The following CACNA1B variants were observed in gnomAD, a reference collection of about 807,000 sequenced individuals.
CACNA1B encodes the protein calcium voltage-gated channel subunit alpha1 B.
In CACNA1B, 70 loss-of-function variants were observed where a neutral mutation model predicts 247.2. The observed-to-expected ratio is 0.28, with a 90% CI of 0.23 to 0.35. The LOEUF (loss-of-function observed/expected upper bound fraction) is 0.35, where lower values mean the gene tolerates loss of function less well. CACNA1B is among the 10% of genes least tolerant of loss of function. CACNA1B has a pLI of 1.00. For missense variants in CACNA1B, 2,367 were observed against 3,197.4 expected (o/e 0.74, Z 6.26); for synonymous variants, 1,231 against 1,294.4 (o/e 0.95, Z 1.05).
chr9:137,907,711 T>C (rs1588997411), intron 3 of CACNA1B, among the ~76,000 whole-genome samples: 1 of 152,248 alleles, frequency 6.6e-6, no homozygotes, highest in South Asian at 2.1e-4. Context: ...TTTTATGGTG[T>C]GGTGTTATTT....
At chr9:138,118,586 C>T (rs778402217) in intron 43 of CACNA1B, 66 bp from the exon 44 acceptor site, 27 of 772,786 alleles carry the variant, frequency 3.5e-5, no homozygotes, top group South Asian at 2.4e-4. Context: ...GGAGTGAGTC[C>T]GGGGTGGGAT....
intron 31 of CACNA1B, chr9:138,068,670 C>G: frequency 1.9e-6 from 1 of 517,690 alleles, no homozygotes; most frequent in East Asian, 5.5e-5. Flanking sequence ...GCTGTAAGGA[C>G]ACAGCTTGGT....
intron 21 of CACNA1B, among the ~76,000 whole-genome samples, chr9:138,045,813 A>G (rs1234978328): frequency 1.3e-5 from 2 of 152,094 alleles, no homozygotes; most frequent in East Asian, 3.9e-4. Context: ...CTGTGGACAC[A>G]GGGGCAGGAG....
intron 21 of CACNA1B, 114 bp downstream of exon 21, chr9:138,044,014 C>T: frequency 7.3e-7 from 1 of 1,368,878 alleles, no homozygotes; most frequent in South Asian, 1.3e-5. Context: ...AGAGAAACGG[C>T]TCTAAATCCC....
intron 36 of CACNA1B, among the ~76,000 whole-genome samples, chr9:138,088,589 C>A (rs1960777717): frequency 6.6e-6 from 1 of 151,776 alleles, no homozygotes; most frequent in Non-Finnish European, 1.5e-5. Context: ...TGGAACCCAC[C>A]AAGATTGAAC....
intron 39 of CACNA1B, among the ~76,000 whole-genome samples, chr9:138,107,175 T>G (rs190883105): frequency 5.0e-4 from 76 of 152,266 alleles, no homozygotes; most frequent in African/African-American, 1.8e-3. Flanking sequence ...CAGCCTTCCC[T>G]ATCTCAGTCA....
chr9:138,071,303 A>T (rs1428132434), intron 32 of CACNA1B, among the ~76,000 whole-genome samples: 2 of 152,226 alleles, frequency 1.3e-5, no homozygotes, highest in East Asian at 3.9e-4. Flanking sequence ...GAAGTAAGGA[A>T]GGGCCTGGCC....
rs1309871926 is a variant in CACNA1B, at chr9:137,882,228, G to A, written c.391-516G>A. Among the ~76,000 whole-genome samples, 2 of 152,210 alleles carry A rather than the reference G, an allele frequency of 1.3e-5. No homozygotes were observed. The highest frequency in any genetic ancestry group is 1.9e-4 in the East Asian group (1 of 5,198). ...AACCTTGTGCAGGTTCCCACCCAGA[G>A]GCTGCTGTGGCCTCTGCCTGGCTCC... is the stretch of plus-strand genomic sequence containing the variant. On this transcript the variant is annotated intron_variant, in intron 2 of 46. Transcript: ENST00000371372. This position sits in a 1 kb window ranked among gnomAD's most constrained non-coding sequence, Gnocchi z 4.0.
intron 40 of CACNA1B, among the ~76,000 whole-genome samples, chr9:138,113,262 C>T (rs1961722402): frequency 6.8e-6 from 1 of 147,234 alleles, no homozygotes; most frequent in Non-Finnish European, 1.5e-5. Flanking sequence ...AGGTGCCCAA[C>T]TCCATCTTAT....
chr9:137,910,767 G>T (rs576748127), intron 3 of CACNA1B, among the ~76,000 whole-genome samples: 9 of 152,264 alleles, frequency 5.9e-5, no homozygotes, highest in African/African-American at 2.2e-4. Context: ...AGTAATGCTC[G>T]TTCGCCTGCC....
Position 137,986,393 on chromosome 9 carries a change from C to A in CACNA1B, c.1770-20C>A. 6.2e-7 allele frequency: 1 copy of A among 1,612,672 alleles called. No individual in the cohort carries two copies. Among genetic ancestry groups the A allele is most frequent in the Non-Finnish European group, 8.5e-7 (1 of 1,179,376 alleles). ...AGTCAGCGTCTGGAGCTGGCTCAGA[C>A]CCCCTGCCTGGCCCCGCAGGTACTG... On this transcript the variant is annotated intron_variant, in intron 13 of 46. Transcript: ENST00000371372. The surrounding 1 kb of genome is among the most constrained non-coding windows in gnomAD (Gnocchi z 6.0).
In CACNA1B at chr9:138,063,232, C is replaced by A. The variant is rs556519789; in HGVS notation, c.4668+3495C>A. On this transcript the variant is annotated intron_variant, in intron 31 of 46. Coordinates refer to ENST00000371372, the MANE Select transcript of CACNA1B (RefSeq NM_000718.4). ...GTCTTGGGCAGGCACAGTGGCCACA[C>A]CTGTGATCTCAGGGATTTGGGAGGC... is the stretch of plus-strand genomic sequence containing the variant. Among the ~76,000 whole-genome samples, 3 of 152,094 alleles carry A rather than the reference C, an allele frequency of 2.0e-5. No homozygotes were observed. In the South Asian group the frequency reaches 6.2e-4, roughly 32 times the overall value.
intron 10 of CACNA1B, among the ~76,000 whole-genome samples, chr9:137,962,313 A>T (rs1450947226): frequency 3.4e-4 from 44 of 128,042 alleles, no homozygotes; most frequent in East Asian, 6.4e-4. Context: ...TATTTTATTA[A>T]TTTTTTTTTT....
rs749951379 is a variant in CACNA1B at position 138,074,004 on chromosome 9, C to T, written c.4795C>T (p.Leu1599=). Residue 1599 remains leucine, a synonymous_variant, in exon 34 of 47, where the codon CTG becomes TTG. Transcript: ENST00000371372. ...TGACCGGCCCCTGTCTCCGCAGGCC[C>T]TGCCCTACGTGTGTCTGCTCATTGC... ...LWTFVQSFKA[L]PYVCLLIAML... 1 of 1,611,788 alleles carries T rather than the reference C, an allele frequency of 6.2e-7. No individual in the cohort carries two copies. The highest frequency in any genetic ancestry group is 8.5e-7 in the Non-Finnish European group (1 of 1,179,686).
intron 18 of CACNA1B, among the ~76,000 whole-genome samples, chr9:138,016,719 T>C (rs1242609246): frequency 1.3e-5 from 2 of 150,758 alleles, no homozygotes; most frequent in Non-Finnish European, 3.0e-5. Context: ...TGTTAGTCTA[T>C]GCTGCCCCAT....
At chr9:138,009,881 C>G (rs975263782) in intron 16 of CACNA1B, 129 bp from the exon 17 acceptor site, 14 of 695,830 alleles carry the variant, frequency 2.0e-5, no homozygotes, top group East Asian at 2.7e-5. Flanking sequence ...GGGATGGGGC[C>G]TTGGGGAGCT....
At position 138,090,701 on chromosome 9, in the gene CACNA1B, C is replaced by CAA. The variant is rs1173964720; in HGVS notation, c.5095-5751_5095-5750dup. Among the ~76,000 whole-genome samples, 103 of 16,592 alleles carry CAA rather than the reference C, an allele frequency of 6.2e-3. 7 individuals carry two copies. Among genetic ancestry groups the CAA allele is most frequent in the African/African-American group, 0.018 (42 of 2,386 alleles). The allele number at this position is 16,592 out of a possible 152,430, so 10.9% of individuals were successfully genotyped here. ...TACAAGGTGAAACTCAACCCATCAG[C>CAA]AAAAAAAAAAAAAAAAAAAAAAAAA... On this transcript the variant is annotated intron_variant, in intron 36 of 46. Coordinates refer to ENST00000371372, the MANE Select transcript of CACNA1B (RefSeq NM_000718.4).
intron 37 of CACNA1B, among the ~76,000 whole-genome samples, chr9:138,098,496 G>A (rs1531165): frequency 0.51 from 77,035 of 152,040 alleles, 21,732 homozygotes; most frequent in African/African-American, 0.76. Flanking sequence ...AGTTAGTACT[G>A]AAGGGCAAAG....
In CACNA1B at chr9:137,955,771, G is replaced by C. The variant is rs1034554149; in HGVS notation, c.1144G>C (p.Glu382Gln). 1.2e-6 allele frequency: 2 copies of C among 1,612,386 alleles called. No homozygotes were observed. The highest frequency in any genetic ancestry group is 1.3e-5 in the African/African-American group (1 of 75,048). Residue 382 changes from glutamate (E) to glutamine (Q), a missense_variant, in exon 8 of 47, where the codon GAG becomes CAG. Physicochemically the swap from Glu to Gln is conservative, Grantham distance 29 (BLOSUM62 2). Coordinates refer to ENST00000371372, the MANE Select transcript of CACNA1B (RefSeq NM_000718.4). This position sits in a 1 kb window ranked among gnomAD's most constrained non-coding sequence, Gnocchi z 6.9. ...FLKLRRQQQI[E>Q]RELNGYLEWI... Reference sequence around the variant, plus strand: ...GAAGCTGCGCCGGCAGCAGCAGATCGAGCGAGAGCTCAACGGGTACCTGGA... The same window carrying C: ...GAAGCTGCGCCGGCAGCAGCAGATCCAGCGAGAGCTCAACGGGTACCTGGA...
Sources: allele counts gnomAD v4.1 joint callset (sites outside exome capture counted in the v4.1 genomes callset), GRCh38; gene constraint gnomAD v4.1.1; non-coding constraint Gnocchi (gnomAD v3.1); transcripts MANE v1.5; gene names NCBI Gene and HGNC (gene_info 2026-07-23, HGNC 2026-07-21).